The following ACOT7 variants were observed in gnomAD, a reference collection of about 807,000 sequenced individuals.
ACOT7 encodes the protein cytosolic acyl coenzyme A thioester hydrolase.
In ACOT7, 12 loss-of-function variants were observed where a neutral mutation model predicts 40.2. The ratio of observed to expected loss-of-function variants is 0.30; its 90% CI spans 0.19 to 0.48. The LOEUF (loss-of-function observed/expected upper bound fraction) is 0.48. ACOT7 is among the 20% of genes least tolerant of loss of function. ACOT7 has a pLI of 0.99. For missense variants in ACOT7, 395 were observed against 530.8 expected, an observed-to-expected ratio of 0.74 and a Z score of 2.51; for synonymous variants, 228 against 219.5, an observed-to-expected ratio of 1.04 and a Z score of -0.34.
chr1:6,393,483 C>T lies in ACOT7; in HGVS notation c.-84G>A, dbSNP rs1246846449. 2 of 1,149,356 alleles carry T rather than the reference C, an allele frequency of 1.7e-6. No homozygotes were observed. Among genetic ancestry groups the T allele is most frequent in the Admixed American group, 8.9e-5 (2 of 22,596 alleles). 71.2% of individuals were successfully genotyped at this position (1,149,356 alleles called of 1,614,324 possible). A position where few individuals can be genotyped will look rare whatever the true frequency, so the allele number is the denominator to read the frequency against. ...GGCAATCGAACGCGGCCTCCCCGCG[C>T]CGACCCCGCCCCCGCGCCGGCCCCA... On this transcript the variant is annotated 5_prime_UTR_variant, in exon 1 of 9. Coordinates refer to ENST00000361521, the MANE Select transcript of ACOT7 (RefSeq NM_007274.4).
chr1:6,291,218 G>C (rs967398264), intron 7 of ACOT7, among the ~76,000 whole-genome samples: 1 of 152,146 alleles, frequency 6.6e-6, no homozygotes, highest in Non-Finnish European at 1.5e-5. Flanking sequence ...GTATAATTAA[G>C]CAAAAGGTCT....
intron 7 of ACOT7, among the ~76,000 whole-genome samples, chr1:6,292,814 T>C (rs2148393306): frequency 6.6e-6 from 1 of 151,906 alleles, no homozygotes; most frequent in East Asian, 1.9e-4. Context: ...CCCAAGTAGC[T>C]GGGTTTACAG....
At position 6,282,996 on chromosome 1, in the gene ACOT7, G is replaced by C; in HGVS notation, c.830-1710C>G. ...CAACAATTGTGTATAACACTTGGGA[G>C]TCACAGGCCAAAAAGCAGGAACAAG... is the stretch of plus-strand genomic sequence containing the variant. On this transcript the variant is annotated intron_variant, in intron 7 of 8. Transcript: ENST00000361521. This position sits in a 1 kb window ranked among gnomAD's most constrained non-coding sequence, Gnocchi z 4.5. 2.3e-6 allele frequency: 1 copy of C among 443,178 alleles called. No homozygotes were observed. The highest frequency in any genetic ancestry group is 4.7e-6 in the Non-Finnish European group (1 of 212,104). The allele number at this position is 443,178 out of a possible 1,614,324, so 27.5% of individuals were successfully genotyped here.
At chr1:6,332,076 A>T (rs1024203544) in intron 4 of ACOT7, among the ~76,000 whole-genome samples, 14 of 152,246 alleles carry the variant, frequency 9.2e-5, no homozygotes, top group African/African-American at 1.4e-4. Flanking sequence ...GGCTGCCGGC[A>T]GCGGCAAGAG....
intron 8 of ACOT7, 95 bp downstream of exon 8, chr1:6,281,007 C>T (rs1639340072): frequency 6.7e-7 from 1 of 1,486,356 alleles, no homozygotes; most frequent in Non-Finnish European, 9.1e-7. Flanking sequence ...CAGGACAGGA[C>T]TCATGCAGGC....
At chr1:6,363,935 G>T (rs1445831917) in intron 1 of ACOT7, among the ~76,000 whole-genome samples, 1 of 152,138 alleles carries the variant, frequency 6.6e-6, no homozygotes, top group Non-Finnish European at 1.5e-5. Context: ...TACTCAGGGG[G>T]TCCCAGCTGC....
intron 8 of ACOT7, among the ~76,000 whole-genome samples, chr1:6,273,384 A>G (rs1639091059): frequency 6.6e-6 from 1 of 152,182 alleles, no homozygotes; most frequent in African/African-American, 2.4e-5. Flanking sequence ...GCGCTAACCA[A>G]TGAGGCGACA....
At chr1:6,351,316 C>T (rs1423193279) in intron 1 of ACOT7, among the ~76,000 whole-genome samples, 1 of 152,238 alleles carries the variant, frequency 6.6e-6, no homozygotes, top group Non-Finnish European at 1.5e-5. Flanking sequence ...GCGGCCGGCA[C>T]GGCGTGACAC....
chr1:6,354,623 TC>T (rs1641687664), intron 1 of ACOT7, among the ~76,000 whole-genome samples: 1 of 151,076 alleles, frequency 6.6e-6, no homozygotes, highest in East Asian at 2.0e-4. Context: ...CACTGGCCTC[TC>T]ACTCCCCATG....
intron 1 of ACOT7, among the ~76,000 whole-genome samples, chr1:6,367,408 G>C (rs1274882142): frequency 6.6e-6 from 1 of 152,184 alleles, no homozygotes; most frequent in Non-Finnish European, 1.5e-5. Flanking sequence ...GGCTGCGCTT[G>C]GCTCATGCTA....
At chr1:6,276,197 G>C (rs1176214323) in intron 8 of ACOT7, among the ~76,000 whole-genome samples, 1 of 152,150 alleles carries the variant, frequency 6.6e-6, no homozygotes, top group Non-Finnish European at 1.5e-5. Context: ...AGAATCAGAG[G>C]CAAGTACAGC....
chr1:6,307,398 G>A (rs1039360912), intron 6 of ACOT7, among the ~76,000 whole-genome samples: 2 of 152,238 alleles, frequency 1.3e-5, no homozygotes, highest in African/African-American at 2.4e-5. Flanking sequence ...CAGGCCCTGC[G>A]CTAAGTGGGA....
intron 1 of ACOT7, among the ~76,000 whole-genome samples, chr1:6,391,311 G>C (rs1385632006): frequency 6.6e-6 from 1 of 151,974 alleles, no homozygotes; most frequent in Admixed American, 6.6e-5. Flanking sequence ...TTCGAGACCA[G>C]CCTGGCCAAC....
At chr1:6,378,749 GGGA>G (rs748249629) in intron 1 of ACOT7, among the ~76,000 whole-genome samples, 2 of 151,914 alleles carry the variant, frequency 1.3e-5, no homozygotes, top group African/African-American at 2.4e-5. Flanking sequence ...AACATTTAGG[GGGA>G]GGAGGAGGGA....
intron 8 of ACOT7, among the ~76,000 whole-genome samples, chr1:6,269,754 A>G (rs1638971179): frequency 6.6e-6 from 1 of 152,240 alleles, no homozygotes; most frequent in Admixed American, 6.5e-5. Context: ...AGAGCCTGTG[A>G]GGGCCCCACT....
intron 6 of ACOT7, among the ~76,000 whole-genome samples, chr1:6,315,957 A>C (rs956579839): frequency 1.3e-5 from 2 of 152,158 alleles, no homozygotes; most frequent in Non-Finnish European, 2.9e-5. Flanking sequence ...CGGACTTCCA[A>C]GGGGCTTCTC....
At chr1:6,265,198 A>G (rs924897027) in intron 8 of ACOT7, among the ~76,000 whole-genome samples, 4 of 152,120 alleles carry the variant, frequency 2.6e-5, no homozygotes, top group African/African-American at 4.8e-5. Context: ...AGCTGCACAC[A>G]GTCACCACCC....
intron 6 of ACOT7, among the ~76,000 whole-genome samples, chr1:6,309,779 C>T (rs1021755966): frequency 2.6e-5 from 4 of 152,146 alleles, no homozygotes; most frequent in Non-Finnish European, 4.4e-5. Flanking sequence ...ATTTTGTAAA[C>T]GCTCCCCTGG....
At chr1:6,268,051 A>T (rs1488771295) in intron 8 of ACOT7, among the ~76,000 whole-genome samples, 2 of 152,246 alleles carry the variant, frequency 1.3e-5, no homozygotes, top group African/African-American at 4.8e-5. Flanking sequence ...ACATATACAC[A>T]GAGGCAGAAA....
Sources: gnomAD v4.1 joint callset for allele counts (sites outside exome capture counted in the v4.1 genomes callset) on GRCh38, gnomAD v4.1.1 for gene constraint, Gnocchi (gnomAD v3.1) non-coding constraint, MANE v1.5 for transcripts, NCBI Gene and HGNC (gene_info 2026-07-23, HGNC 2026-07-21) for gene names.